TPM3: variants seen among roughly 807,000 people sequenced by gnomAD.
TPM3 encodes the protein tropomyosin alpha-3 chain.
A neutral mutation model predicts 43.1 loss-of-function variants in TPM3; 16 were observed. That is an observed-to-expected ratio of 0.37 (90% CI 0.25 to 0.56). The LOEUF is 0.56. Ranked by LOEUF, TPM3 falls within the 20% of genes least tolerant of loss-of-function variation. The pLI is 0.77. For missense variants in TPM3, 176 were observed against 337.2 expected (o/e 0.52, Z 3.74); for synonymous variants, 101 against 116.9 (o/e 0.86, Z 0.88).
In TPM3 at chr1:154,176,218, T is replaced by C; in HGVS notation, c.274A>G (p.Arg92Gly). The C allele has an allele frequency of 6.2e-7, 1 of 1,614,170 alleles. No homozygotes were observed. Among genetic ancestry groups the C allele is most frequent in the Non-Finnish European group, 8.5e-7 (1 of 1,180,036 alleles). ...AEAEVASLNR[R>G]IQLVEEELDR... The stretch of plus-strand genomic sequence containing the variant: ...AGCTCTTCTTCAACCAGCTGGATCC[T>C]ACGGTTCAAGGAGGCCACCTCAGCC... The change falls in exon 3 of 10, where the codon AGG becomes GGG. Residue 92 changes from arginine to glycine, a missense_variant. Physicochemically the swap from Arg to Gly is moderately radical, Grantham distance 125. Transcript: ENST00000651641.
downstream of TPM3, chr1:154,157,193 G>GC: frequency 3.0e-6 from 1 of 330,840 alleles, no homozygotes; most frequent in South Asian, 3.9e-5. Context: ...GGTAAGGCAG[G>GC]CCTACACCTT....
At chr1:154,155,633 A>C (rs1659724630), downstream of TPM3, 1 of 233,770 alleles carries the variant, frequency 4.3e-6, no homozygotes, top group African/African-American at 2.2e-5. Context: ...TCTTGAGAGC[A>C]CTTGTTGTTT....
downstream of TPM3, among the ~76,000 whole-genome samples, chr1:154,160,456 CAT>C (rs1660233020): frequency 1.3e-5 from 2 of 152,134 alleles, no homozygotes; most frequent in South Asian, 4.1e-4. Flanking sequence ...AAACAGAAAG[CAT>C]ATATGTGTAA....
chr1:154,186,829 C>T (rs1241076682), intron 2 of TPM3, among the ~76,000 whole-genome samples: 2 of 151,692 alleles, frequency 1.3e-5, no homozygotes, highest in East Asian at 1.9e-4. Flanking sequence ...TTGCCATACC[C>T]TTGCCCTTTC....
At position 154,162,395 on chromosome 1, in the gene TPM3, AC is replaced by A. The variant is rs1397738150; in HGVS notation, c.*5541del. On this transcript the variant is annotated 3_prime_UTR_variant, in exon 10 of 10. Transcript: ENST00000651641. Reference sequence around the variant, plus strand: ...AAAAAAAAAAAAAAAACACAAACCAACCCCATGGAGTTGGATAGTATTCAAC... The same window carrying A: ...AAAAAAAAAAAAAAAACACAAACCAACCCATGGAGTTGGATAGTATTCAAC... Among the ~76,000 whole-genome samples the A allele has an allele frequency of 3.3e-5, 5 of 150,782 alleles. No individual in the cohort carries two copies. Among genetic ancestry groups the A allele is most frequent in the Admixed American group, 2.7e-4 (4 of 15,064 alleles).
intron 3 of TPM3, among the ~76,000 whole-genome samples, chr1:154,174,272 T>C (rs1451248427): frequency 6.8e-6 from 1 of 148,090 alleles, no homozygotes; most frequent in Non-Finnish European, 1.5e-5. Flanking sequence ...GAGGTGGAGG[T>C]TGCAGTGAGC....
At chr1:154,175,004 G>A (rs973469505) in intron 3 of TPM3, among the ~76,000 whole-genome samples, 4 of 151,914 alleles carry the variant, frequency 2.6e-5, no homozygotes, top group African/African-American at 9.7e-5. Context: ...TTGTTTCAAG[G>A]GCCATGGTTC....
chr1:154,183,852 C>CCTTT (rs1370162556), intron 2 of TPM3: 1 of 99,312 alleles, frequency 1.0e-5, no homozygotes, highest in South Asian at 4.1e-4. Flanking sequence ...GACTTTTCTC[C>CCTTT]TTTTTTTTTT....
chr1:154,159,296 A>G (rs546685683), downstream of TPM3, among the ~76,000 whole-genome samples: 4 of 152,316 alleles, frequency 2.6e-5, no homozygotes, highest in South Asian at 8.3e-4. Context: ...GTAGGACAAC[A>G]TTTTGAGGGA....
In TPM3 at chr1:154,164,051, A is replaced by G. The variant is rs535350411; in HGVS notation, c.*3886T>C. On this transcript the variant is annotated 3_prime_UTR_variant, in exon 10 of 10. Transcript: ENST00000651641. ...TGTCAACCTCTCTGCCTCACGCCCT[A>G]GAATTTTGTTTTCACCCAGATACCT... Among the ~76,000 whole-genome samples the G allele has an allele frequency of 6.6e-6, 1 of 152,178 alleles. No homozygotes were observed. Among genetic ancestry groups the G allele is most frequent in the East Asian group, 1.9e-4 (1 of 5,186 alleles).
downstream of TPM3, among the ~76,000 whole-genome samples, chr1:154,161,241 C>T (rs2148195438): frequency 6.6e-6 from 1 of 151,450 alleles, no homozygotes; most frequent in South Asian, 2.1e-4. Context: ...TTCATGAGGC[C>T]TGAGATTGGA....
At position 154,165,388 on chromosome 1, in the gene TPM3, A is replaced by G. The variant is rs1202654108; in HGVS notation, c.*2549T>C. On this transcript the variant is annotated 3_prime_UTR_variant, in exon 10 of 10. Coordinates refer to ENST00000651641, the MANE Select transcript of TPM3 (RefSeq NM_152263.4). The stretch of plus-strand genomic sequence containing the variant: ...GTGACAGAGCGAGACTCCATCTCAA[A>G]AAGAGAAAAATAAATAAATAATGGA... 2.0e-5 allele frequency among the ~76,000 whole-genome samples: 3 copies of G among 152,158 alleles called. No homozygotes were observed. Among genetic ancestry groups the G allele is most frequent in the Non-Finnish European group, 4.4e-5 (3 of 68,038 alleles).
intron 5 of TPM3, chr1:154,172,086 A>G: frequency 1.2e-6 from 2 of 1,614,220 alleles, no homozygotes; most frequent in South Asian, 1.1e-5. Flanking sequence ...TAATCTGCTC[A>G]TCCATCTCTC....
Position 154,163,375 on chromosome 1 carries a change from G to C in TPM3, c.*4562C>G, listed in dbSNP as rs1660587374. Among the ~76,000 whole-genome samples the C allele has an allele frequency of 6.6e-6, 1 of 152,192 alleles. No individual in the cohort carries two copies. Among genetic ancestry groups the C allele is most frequent in the East Asian group, 1.9e-4 (1 of 5,186 alleles). On this transcript the variant is annotated 3_prime_UTR_variant, in exon 10 of 10. Coordinates refer to ENST00000651641, the MANE Select transcript of TPM3 (RefSeq NM_152263.4). ...GCCCTGCTCTAAAGTAAATTATATT[G>C]CCTATATAATCTTCCTACCAATACA...
chr1:154,172,921 C>T lies in TPM3; in HGVS notation c.553G>A (p.Glu185Lys). The change falls in exon 5 of 10, where the codon GAG (glutamate) becomes AAG (lysine). Residue 185 changes from glutamate to lysine, a missense_variant. By Grantham distance (56) the Glu-to-Lys change is moderately conservative (BLOSUM62 1). Transcript: ENST00000651641. ...GDLERTEERA[E>K]LAESKCSELE... ...CTAGATACTCACGACTCTGCCAGCT[C>T]AGCTCGTTCCTCTGTGCGTTCCAAG... 6.2e-7 allele frequency: 1 copy of T among 1,614,218 alleles called. No individual in the cohort carries two copies. Among genetic ancestry groups the T allele is most frequent in the Non-Finnish European group, 8.5e-7 (1 of 1,180,044 alleles).
At chr1:154,159,282 G>A (rs1023691424), downstream of TPM3, among the ~76,000 whole-genome samples, 2 of 152,200 alleles carry the variant, frequency 1.3e-5, no homozygotes, top group African/African-American at 4.8e-5. Context: ...AGACTGACAA[G>A]TTGGTAGGAC....
rs1660543200 is a variant in TPM3, at chr1:154,163,001, G to C, written c.*4936C>G. Among the ~76,000 whole-genome samples, 1 of 152,022 alleles carries C rather than the reference G, an allele frequency of 6.6e-6. No homozygotes were observed. The highest frequency in any genetic ancestry group is 1.5e-5 in the Non-Finnish European group (1 of 68,004). On this transcript the variant is annotated 3_prime_UTR_variant, in exon 10 of 10. Transcript: ENST00000651641. ...AATTTTTGTATTTTTAGTAGAGACA[G>C]GTTTTCACCACGTTGGCCAGGATGG...
chr1:154,187,271 A>G (rs1663450189), intron 2 of TPM3: 1 of 964,966 alleles, frequency 1.0e-6, no homozygotes, highest in Non-Finnish European at 1.2e-6. Flanking sequence ...GTTCCGATAA[A>G]ACTTTATTTA....
chr1:154,159,302 A>C (rs1660119322), downstream of TPM3, among the ~76,000 whole-genome samples: 2 of 152,192 alleles, frequency 1.3e-5, no homozygotes, highest in African/African-American at 4.8e-5. Context: ...CAACATTTTG[A>C]GGGAGAAAAA....
Sources: gnomAD v4.1 joint callset for allele counts (sites outside exome capture counted in the v4.1 genomes callset) on GRCh38, gnomAD v4.1.1 for gene constraint, MANE v1.5 for transcripts, NCBI Gene and HGNC (gene_info 2026-07-23, HGNC 2026-07-21) for gene names.